The following BUD31 variants were observed in gnomAD, a reference collection of about 807,000 sequenced individuals.
The protein encoded by BUD31 is BUD31 spliceosome associated protein.
BUD31 carries 9 observed loss-of-function variants against 17.9 expected under a neutral mutation model. The ratio of observed to expected loss-of-function variants is 0.50; its 90% CI spans 0.30 to 0.88. BUD31 has a LOEUF of 0.88. BUD31 is among the 40% of genes least tolerant of loss of function. The pLI, the probability that BUD31 is intolerant of heterozygous loss-of-function variation, is 0.06. For missense variants in BUD31, 148 were observed against 184.5 expected (o/e 0.80, Z 1.15); for synonymous variants, 70 against 64.7 (o/e 1.08, Z -0.39).
At chr7:99,414,644 T>C (rs936774416) in intron 3 of BUD31, among the ~76,000 whole-genome samples, 1 of 152,274 alleles carries the variant, frequency 6.6e-6, no homozygotes, top group African/African-American at 2.4e-5. Context: ...TTGCCTAGGC[T>C]GGAGTGCAGT....
At chr7:99,415,186 C>T in intron 3 of BUD31, 1 of 452,266 alleles carries the variant, frequency 2.2e-6, no homozygotes, top group Non-Finnish European at 4.4e-6. Flanking sequence ...GGTAGTGGCC[C>T]CAAATGCCAG....
In BUD31 at chr7:99,411,191, G is replaced by A; in HGVS notation, c.94+5G>A. 4 of 1,610,630 alleles carry A rather than the reference G, an allele frequency of 2.5e-6. No homozygotes were observed. The highest frequency in any genetic ancestry group is 2.5e-6 in the Non-Finnish European group (3 of 1,177,036). On this transcript the variant is annotated splice_donor_5th_base_variant and intron_variant, in intron 3 of 5. Coordinates refer to ENST00000222969, the MANE Select transcript of BUD31 (RefSeq NM_003910.4). ...TAGATCAAAAGATGAGAGAAGGTGA[G>A]TAGGGGAGTTCCTGTCTGGGTGGGC...
chr7:99,415,202 A>C, intron 3 of BUD31: 1 of 455,342 alleles, frequency 2.2e-6, no homozygotes, highest in Non-Finnish European at 4.4e-6. Flanking sequence ...GCCAGGCTGC[A>C]CTGATATTTA....
intron 5 of BUD31, chr7:99,417,810 T>G (rs1169010261): frequency 2.0e-6 from 3 of 1,505,666 alleles, no homozygotes; most frequent in Non-Finnish European, 2.7e-6. Flanking sequence ...CAATCTCAAC[T>G]CCACTTTTGG....
At chr7:99,409,773 G>GA (rs916494420) in intron 1 of BUD31, among the ~76,000 whole-genome samples, 2 of 132,974 alleles carry the variant, frequency 1.5e-5, no homozygotes, top group African/African-American at 2.8e-5. Context: ...TGTGGGCGGG[G>GA]GGGGGGTGGG....
chr7:99,418,332 T>G (rs1795623338), intron 5 of BUD31: 1 of 157,004 alleles, frequency 6.4e-6, no homozygotes, highest in South Asian at 1.9e-4. Flanking sequence ...GCCTCAGGAG[T>G]GGTGCTGAGG....
intron 5 of BUD31, chr7:99,417,812 CA>C: frequency 6.7e-7 from 1 of 1,501,090 alleles, no homozygotes; most frequent in Admixed American, 2.1e-5. Flanking sequence ...ATCTCAACTC[CA>C]CTTTTGGGCA....
At chr7:99,411,832 G>A (rs1024342473) in intron 3 of BUD31, 4 of 400,156 alleles carry the variant, frequency 1.0e-5, no homozygotes, top group Non-Finnish European at 2.0e-5. Context: ...TCAGCCTCTC[G>A]AGTAATTTGG....
intron 5 of BUD31, chr7:99,418,610 C>G (rs966211516): frequency 7.9e-5 from 12 of 152,698 alleles, no homozygotes; most frequent in African/African-American, 2.6e-4. Context: ...GCAAGGGCCG[C>G]CTCCCCGACG....
In BUD31 at chr7:99,419,568, G is replaced by T; in HGVS notation, c.*127G>T. The T allele has an allele frequency of 9.5e-7, 1 of 1,051,728 alleles. No individual in the cohort carries two copies. Among genetic ancestry groups the T allele is most frequent in the East Asian group, 2.4e-5 (1 of 41,596 alleles). 65.1% of individuals were successfully genotyped at this position (1,051,728 alleles called of 1,614,324 possible). On this transcript the variant is annotated 3_prime_UTR_variant, in exon 6 of 6. Transcript: ENST00000222969. The stretch of plus-strand genomic sequence containing the variant: ...GCACGGTCTCTATGGGGAAGGCTTC[G>T]CTGTCTATCAGCTGTGATTTGTAAA...
At position 99,417,494 on chromosome 7, in the gene BUD31, C is replaced by G; in HGVS notation, c.283C>G (p.Gln95Glu). ...AAACCTGATTGCAAAATGGAAAAAG[C>G]AAGGATATGAGAACTTGTGCTGCCT... is the stretch of plus-strand genomic sequence containing the variant. The part of the protein sequence containing the change: ...DKNLIAKWKK[Q>E]GYENLCCLRC... The change falls in exon 5 of 6, where the codon CAA becomes GAA. Residue 95 changes from glutamine (Q) to glutamate (E), a missense_variant. Gln to Glu is a conservative substitution (Grantham distance 29). Coordinates refer to ENST00000222969, the MANE Select transcript of BUD31 (RefSeq NM_003910.4). 6 of 1,611,342 alleles carry G rather than the reference C, an allele frequency of 3.7e-6. No homozygotes were observed. The highest frequency in any genetic ancestry group is 5.1e-6 in the Non-Finnish European group (6 of 1,178,442).
chr7:99,419,457 C>A lies in BUD31; in HGVS notation c.*16C>A, dbSNP rs780720019. On this transcript the variant is annotated 3_prime_UTR_variant, in exon 6 of 6. Coordinates refer to ENST00000222969, the MANE Select transcript of BUD31 (RefSeq NM_003910.4). Reference sequence around the variant, plus strand: ...CTCTGGCTGAGGCTGGCGCGCTCCACCCTGGACTCTGGACTTCGCAGGTTC... The same window carrying A: ...CTCTGGCTGAGGCTGGCGCGCTCCAACCTGGACTCTGGACTTCGCAGGTTC... The A allele has an allele frequency of 3.7e-6, 6 of 1,610,102 alleles. No individual in the cohort carries two copies. The highest frequency in any genetic ancestry group is 5.1e-6 in the Non-Finnish European group (6 of 1,179,962).
rs1795562239 is a variant in BUD31 at position 99,417,434 on chromosome 7, T to C, written c.223T>C (p.Tyr75His). The change falls in exon 5 of 6, where the codon TAT (tyrosine) becomes CAT (histidine). Residue 75 changes from tyrosine (Y) to histidine (H), a missense_variant. Transcript: ENST00000222969. ...YKRKAISREL[Y>H]EYCIKEGYAD... ...TTTCCCCATCTTTTTGACAGAACTCTATGAATATTGTATTAAAGAAGGCTA... is the reference window on the plus strand; with the variant it reads ...TTTCCCCATCTTTTTGACAGAACTCCATGAATATTGTATTAAAGAAGGCTA... 14 of 1,613,878 alleles carry C rather than the reference T, an allele frequency of 8.7e-6. No individual in the cohort carries two copies. The highest frequency in any genetic ancestry group is 1.2e-5 in the Non-Finnish European group (14 of 1,179,936).
At chr7:99,411,310 T>A in intron 3 of BUD31, 124 bp downstream of exon 3, 1 of 680,106 alleles carries the variant, frequency 1.5e-6, no homozygotes, top group Non-Finnish European at 2.5e-6. Flanking sequence ...ACATGTTGTG[T>A]TTGCTTATGA....
At chr7:99,417,371 A>G in intron 4 of BUD31, 58 bp from the exon 5 acceptor site, 1 of 1,573,616 alleles carries the variant, frequency 6.4e-7, no homozygotes. Flanking sequence ...TTTTTTGATC[A>G]AGGGTGGGGA....
At chr7:99,416,299 C>T in intron 4 of BUD31, 39 bp downstream of exon 4, 1 of 1,598,796 alleles carries the variant, frequency 6.3e-7, no homozygotes, top group Non-Finnish European at 8.6e-7. Flanking sequence ...AAGCTCGCGT[C>T]ACTTTTGGAG....
chr7:99,411,988 G>C (rs1162681573), intron 3 of BUD31: 1 of 238,802 alleles, frequency 4.2e-6, no homozygotes. Context: ...TTACAGGTAT[G>C]AGCCACTACA....
chr7:99,415,553 AG>A (rs1180955551), intron 3 of BUD31, among the ~76,000 whole-genome samples: 2 of 152,072 alleles, frequency 1.3e-5, no homozygotes, highest in African/African-American at 2.4e-5. Context: ...CAAGAGGTGG[AG>A]GAGTAGAGTC....
In BUD31 at chr7:99,417,435, A is replaced by G. The variant is rs1321049389; in HGVS notation, c.224A>G (p.Tyr75Cys). 6.2e-6 allele frequency: 10 copies of G among 1,613,770 alleles called. No individual in the cohort carries two copies. Among genetic ancestry groups the G allele is most frequent in the South Asian group, 1.1e-5 (1 of 91,072 alleles). Residue 75 changes from tyrosine (Y) to cysteine (C), a missense_variant, in exon 5 of 6, where the codon TAT (tyrosine) becomes TGT (cysteine). By Grantham distance (194) the Tyr-to-Cys change is radical. Transcript: ENST00000222969. ...TTCCCCATCTTTTTGACAGAACTCT[A>G]TGAATATTGTATTAAAGAAGGCTAT... ...YKRKAISRELYEYCIKEGYAD... is the reference protein window; with the variant it reads ...YKRKAISRELCEYCIKEGYAD...
Sources: allele counts gnomAD v4.1 joint callset (sites outside exome capture counted in the v4.1 genomes callset), GRCh38; gene constraint gnomAD v4.1.1; transcripts MANE v1.5; gene names NCBI Gene and HGNC (gene_info 2026-07-23, HGNC 2026-07-21).